The following POLD1 variants were observed in gnomAD, a reference collection of about 807,000 sequenced individuals.
The protein encoded by POLD1 is DNA polymerase delta 1, catalytic subunit.
Under a neutral mutation model 129.7 loss-of-function variants are expected in POLD1, and 79 were observed. The ratio of observed to expected loss-of-function variants is 0.61; its 90% confidence interval spans 0.51 to 0.73. The LOEUF (loss-of-function observed/expected upper bound fraction) is 0.73. Ranked by LOEUF, POLD1 falls within the 30% of genes least tolerant of loss-of-function variation. The probability of loss-of-function intolerance (pLI) is 0.00; values close to 1 mark genes in which losing one functional copy is unlikely to be tolerated. For synonymous variants in POLD1, 714 were observed against 683.3 expected, an observed-to-expected ratio of 1.04 and a Z score of -0.70; for missense variants, 1,338 against 1,595.8, an observed-to-expected ratio of 0.84 and a Z score of 2.75.
chr19:50,403,017 G>C lies in POLD1; in HGVS notation c.971-36G>C, dbSNP rs1311492514. The stretch of plus-strand genomic sequence containing the variant: ...CTCCCTGCTGTGTTGGGAGTGAGGG[G>C]CAGGAGTCAGGCCCCTGCATCCTCC... On this transcript the variant is annotated intron_variant, in intron 8 of 26. Transcript: ENST00000440232. The C allele has an allele frequency of 9.7e-6, 15 of 1,550,146 alleles. No individual in the cohort carries two copies. The East Asian group carries it at 3.7e-4, about 38-fold the overall frequency.
chr19:50,405,748 G>T (rs1157722132), intron 10 of POLD1, among the ~76,000 whole-genome samples: 4 of 152,070 alleles, frequency 2.6e-5, no homozygotes, highest in African/African-American at 9.7e-5. Flanking sequence ...TCTCCCCCAG[G>T]CTGGGCCCCA....
intron 1 of POLD1, among the ~76,000 whole-genome samples, chr19:50,398,133 G>A (rs1430344072): frequency 6.6e-6 from 1 of 152,202 alleles, no homozygotes; most frequent in Non-Finnish European, 1.5e-5. Flanking sequence ...AGGGCATACA[G>A]GAGTTCTAGG....
In POLD1 at chr19:50,398,595, A is replaced by G. The variant is rs3219362; in HGVS notation, c.-1-256A>G. 0.017 allele frequency among the ~76,000 whole-genome samples: 2,276 copies of G among 133,142 alleles called. 46 individuals are homozygous for G. The highest frequency in any genetic ancestry group is 0.04 in the Middle Eastern group (10 of 248). 87.3% of individuals were successfully genotyped at this position (133,142 alleles called of 152,430 possible). A position where few individuals can be genotyped will look rare whatever the true frequency, so the allele number is the denominator to read the frequency against. On this transcript the variant is annotated intron_variant, in intron 1 of 26. Coordinates refer to ENST00000440232, the MANE Select transcript of POLD1 (RefSeq NM_002691.4). The stretch of plus-strand genomic sequence containing the variant: ...CAAAAAAAAAAAAAAAAAAAAAAGC[A>G]AGAGATGTGCTAAGGACCTAGTGTG...
In POLD1 at chr19:50,406,152, C is replaced by A; in HGVS notation, c.1243-30C>A. ...AGGCTTATGTGACGGGGACCCGCAG[C>A]CTGCTGCACACCCTGCCTCTCCTCC... On this transcript the variant is annotated intron_variant, in intron 10 of 26. Coordinates refer to ENST00000440232, the MANE Select transcript of POLD1 (RefSeq NM_002691.4). The surrounding 1 kb of genome is among the most constrained non-coding windows in gnomAD (Gnocchi z 5.5). 1 of 1,602,746 alleles carries A rather than the reference C, an allele frequency of 6.2e-7. No homozygotes were observed. The highest frequency in any genetic ancestry group is 8.5e-7 in the Non-Finnish European group (1 of 1,171,962).
At position 50,403,048 on chromosome 19, in the gene POLD1, C is replaced by T. The variant is rs778993986; in HGVS notation, c.971-5C>T. ...GTCAGGCCCCTGCATCCTCCTGCCT[C>T]GCAGGCATCTTCCCTGAGCCTGAGC... On this transcript the variant is annotated splice_polypyrimidine_tract_variant and splice_region_variant and intron_variant, in intron 8 of 26. Transcript: ENST00000440232. 9.6e-6 allele frequency: 15 copies of T among 1,555,366 alleles called. No individual in the cohort carries two copies. Among genetic ancestry groups the T allele is most frequent in the Non-Finnish European group, 1.2e-5 (14 of 1,149,204 alleles).
intron 21 of POLD1, 54 bp from the exon 22 acceptor site, chr19:50,415,670 C>T: frequency 1.4e-6 from 2 of 1,448,992 alleles, no homozygotes; most frequent in Non-Finnish European, 9.4e-7. Context: ...CACCCTCGCC[C>T]CCACCCCCGC....
chr19:50,384,557 G>C (rs1601153407), intron 1 of POLD1, among the ~76,000 whole-genome samples, 167 bp downstream of exon 1: 1 of 151,608 alleles, frequency 6.6e-6, no homozygotes, highest in South Asian at 2.1e-4. Flanking sequence ...GCGCGGGGAC[G>C]AGCAGGAAAA....
intron 6 of POLD1, 36 bp downstream of exon 6, chr19:50,402,409 C>T (rs1271091356): frequency 1.9e-6 from 3 of 1,613,574 alleles, no homozygotes; most frequent in African/African-American, 1.3e-5. Context: ...GCCTCTATCC[C>T]CACCCTCGGG....
chr19:50,414,733 C>T, intron 19 of POLD1, 82 bp from the exon 20 acceptor site: 1 of 1,189,222 alleles, frequency 8.4e-7, no homozygotes, highest in Non-Finnish European at 1.2e-6. Flanking sequence ...GGGACCCTGT[C>T]TACCTTCAGT....
intron 20 of POLD1, 142 bp from the exon 21 acceptor site, chr19:50,415,296 C>A: frequency 1.2e-6 from 1 of 822,794 alleles, no homozygotes; most frequent in Non-Finnish European, 1.9e-6. Context: ...TGCCACTCTG[C>A]AGCCTATGGT....
At chr19:50,404,004 G>A (rs539832955) in intron 10 of POLD1, among the ~76,000 whole-genome samples, 3 of 152,290 alleles carry the variant, frequency 2.0e-5, no homozygotes, top group Admixed American at 2.0e-4. Context: ...GTCTGCATGT[G>A]TGTAAGGGTG....
At chr19:50,399,540 C>A in intron 3 of POLD1, 56 bp downstream of exon 3, 1 of 1,341,876 alleles carries the variant, frequency 7.5e-7, no homozygotes, top group Non-Finnish European at 1.1e-6. Flanking sequence ...GGGCAGAGGC[C>A]GGGCCAGGTC....
chr19:50,409,750 A>G lies in POLD1; in HGVS notation c.2154+84A>G. On this transcript the variant is annotated intron_variant, in intron 17 of 26. Transcript: ENST00000440232. This position sits in a 1 kb window ranked among gnomAD's most constrained non-coding sequence, Gnocchi z 5.8. ...CCAGGGCTCCATGTGGGGGACCTGT[A>G]TCCAGAGGACTGGGCACCCCAACTC... The G allele has an allele frequency of 6.9e-7, 1 of 1,440,146 alleles. No individual in the cohort carries two copies. The highest frequency in any genetic ancestry group is 9.4e-7 in the Non-Finnish European group (1 of 1,064,396). 89.2% of individuals were successfully genotyped at this position (1,440,146 alleles called of 1,614,324 possible).
intron 17 of POLD1, among the ~76,000 whole-genome samples, chr19:50,411,630 G>A (rs2122416611): frequency 6.6e-6 from 1 of 152,340 alleles, no homozygotes. Context: ...CACGAGGTCA[G>A]GAGTTCAAGA....
intron 10 of POLD1, 50 bp downstream of exon 10, chr19:50,403,647 C>T: frequency 1.7e-6 from 2 of 1,201,030 alleles, no homozygotes; most frequent in South Asian, 1.2e-5. Context: ...CAGGTGTGGC[C>T]TCCGGGCCCT....
In POLD1 at chr19:50,406,777, C is replaced by T. The variant is rs1271261366; in HGVS notation, c.1495-206C>T. Reference sequence around the variant, plus strand: ...TCCACGGTGGCCTTCAGGCTGCTCCCTCCTCCTCCCTCTGGCCCTGTGGAC... The same window carrying T: ...TCCACGGTGGCCTTCAGGCTGCTCCTTCCTCCTCCCTCTGGCCCTGTGGAC... On this transcript the variant is annotated intron_variant, in intron 12 of 26. Transcript: ENST00000440232. The surrounding 1 kb of genome is among the most constrained non-coding windows in gnomAD (Gnocchi z 5.5). 6.6e-6 allele frequency among the ~76,000 whole-genome samples: 1 copy of T among 152,072 alleles called. No homozygotes were observed. The highest frequency in any genetic ancestry group is 1.5e-5 in the Non-Finnish European group (1 of 67,990).
At position 50,398,570 on chromosome 19, in the gene POLD1, C is replaced by CAAA. The variant is rs35689550; in HGVS notation, c.-1-261_-1-259dup. ...GGGTGACAAGAGCACAATTCCATCT[C>CAAA]AAAAAAAAAAAAAAAAAAAAAAGCA... On this transcript the variant is annotated intron_variant, in intron 1 of 26. Coordinates refer to ENST00000440232, the MANE Select transcript of POLD1 (RefSeq NM_002691.4). 8.9e-3 allele frequency among the ~76,000 whole-genome samples: 554 copies of CAAA among 62,426 alleles called. 23 individuals carry two copies. The highest frequency in any genetic ancestry group is 0.02 in the African/African-American group (285 of 14,334). The allele number at this position is 62,426 out of a possible 152,430, so 41.0% of individuals were successfully genotyped here.
rs893257425 is a variant in POLD1, at chr19:50,402,638, C to T, written c.867C>T (p.Asp289=). 5 of 1,580,380 alleles carry T rather than the reference C, an allele frequency of 3.2e-6. No individual in the cohort carries two copies. In the African/African-American group the frequency reaches 4.0e-5, roughly 13 times the overall value. Residue 289 remains aspartate (D), a synonymous_variant, in exon 8 of 27, where the codon GAC becomes GAT. Coordinates refer to ENST00000440232, the MANE Select transcript of POLD1 (RefSeq NM_002691.4). Reference sequence around the variant, plus strand: ...CTACGCAGTGCCAGCTGGAGGCGGACGTGCTGTGGTCTGACGTGGTCAGTC... The same window carrying T: ...CTACGCAGTGCCAGCTGGAGGCGGATGTGCTGTGGTCTGACGTGGTCAGTC... ...EKATQCQLEA[D]VLWSDVVSHP...
intron 10 of POLD1, 75 bp downstream of exon 10, chr19:50,403,672 C>T: frequency 1.1e-6 from 1 of 921,220 alleles, no homozygotes; most frequent in Non-Finnish European, 1.8e-6. Context: ...CTCCTTCCCA[C>T]TCCCTCTCCA....
Sources: allele counts gnomAD v4.1 joint callset (sites outside exome capture counted in the v4.1 genomes callset), GRCh38; gene constraint gnomAD v4.1.1; non-coding constraint Gnocchi (gnomAD v3.1); transcripts MANE v1.5; gene names NCBI Gene and HGNC (gene_info 2026-07-23, HGNC 2026-07-21).